Variants in CNTN6 observed in about 807,000 individuals in gnomAD.
The protein encoded by CNTN6 is contactin-6.
CNTN6 carries 137 observed loss-of-function variants against 122.8 expected under a neutral mutation model. That is an observed-to-expected ratio of 1.12 (90% CI 0.97 to 1.29). The LOEUF (loss-of-function observed/expected upper bound fraction) is 1.29, where lower values mean the gene tolerates loss of function less well. CNTN6 is among the 50% of genes most tolerant of loss of function. The pLI, the probability that CNTN6 is intolerant of heterozygous loss-of-function variation, is 0.00. For synonymous variants in CNTN6, 570 were observed against 426.0 expected (o/e 1.34, Z -4.16); for missense variants, 1,634 against 1,223.4 (o/e 1.34, Z -5.01).
chr3:1,248,700 A>T (rs1305482866), intron 4 of CNTN6, among the ~76,000 whole-genome samples: 1 of 151,906 alleles, frequency 6.6e-6, no homozygotes, highest in African/African-American at 2.4e-5. Flanking sequence ...GGCGCCTGTA[A>T]TCCCAGCTAC....
chr3:1,111,877 G>T (rs145778057), intron 1 of CNTN6, among the ~76,000 whole-genome samples: 190 of 151,888 alleles, frequency 1.3e-3, no homozygotes, highest in African/African-American at 4.3e-3. Context: ...AGTAGAAGTG[G>T]GTACTTAAGA....
intron 5 of CNTN6, among the ~76,000 whole-genome samples, chr3:1,279,624 A>T (rs1290048644): frequency 1.3e-5 from 2 of 152,208 alleles, no homozygotes; most frequent in Non-Finnish European, 2.9e-5. Context: ...CCAGACCCTC[A>T]GCTCTTAACT....
rs778807802 is a variant in CNTN6 at position 1,403,452 on chromosome 3, A to C, written c.*34A>C. The C allele has an allele frequency of 8.6e-6, 12 of 1,402,576 alleles. No homozygotes were observed. In the South Asian group the frequency reaches 1.3e-4, roughly 15 times the overall value. 86.9% of individuals were successfully genotyped at this position (1,402,576 alleles called of 1,614,324 possible). ...ACCATAAATCTTTGAGAGTTTTTTG[A>C]AAGCAAATCATTCTGTATATATGCT... On this transcript the variant is annotated 3_prime_UTR_variant, in exon 23 of 23. Coordinates refer to ENST00000446702, the MANE Select transcript of CNTN6 (RefSeq NM_001289080.2).
At chr3:1,152,331 G>T (rs1420025972) in intron 2 of CNTN6, among the ~76,000 whole-genome samples, 1 of 151,944 alleles carries the variant, frequency 6.6e-6, no homozygotes, top group Non-Finnish European at 1.5e-5. Context: ...TAGAGACAGG[G>T]TTTCACCATG....
intron 5 of CNTN6, among the ~76,000 whole-genome samples, chr3:1,291,839 C>A (rs1183644205): frequency 1.3e-5 from 2 of 152,096 alleles, no homozygotes; most frequent in East Asian, 1.9e-4. Flanking sequence ...TAGAGACTTG[C>A]AAAAGAAAAT....
At chr3:1,310,467 A>G (rs909405024) in intron 7 of CNTN6, among the ~76,000 whole-genome samples, 3 of 152,074 alleles carry the variant, frequency 2.0e-5, no homozygotes, top group African/African-American at 7.2e-5. Flanking sequence ...GACAAGTCCT[A>G]TTTTGTTGTG....
At chr3:1,241,466 A>G (rs991346893) in intron 4 of CNTN6, among the ~76,000 whole-genome samples, 1 of 152,088 alleles carries the variant, frequency 6.6e-6, no homozygotes, top group Non-Finnish European at 1.5e-5. Context: ...CATTTGTCGT[A>G]TAGAATGATT....
chr3:1,392,809 CTCA>C (rs1694367318), intron 20 of CNTN6, among the ~76,000 whole-genome samples: 1 of 137,790 alleles, frequency 7.3e-6, no homozygotes, highest in Non-Finnish European at 1.6e-5. Context: ...TGAAAAAATG[CTCA>C]TCATCACTGG....
chr3:1,356,671 A>G (rs928193128), intron 12 of CNTN6, among the ~76,000 whole-genome samples: 5 of 151,880 alleles, frequency 3.3e-5, no homozygotes, highest in African/African-American at 7.2e-5. Flanking sequence ...TGAAAACACC[A>G]GAGAAGTCTC....
chr3:1,173,063 C>A (rs1392842551), intron 2 of CNTN6: 1 of 372,044 alleles, frequency 2.7e-6, no homozygotes, highest in East Asian at 7.3e-5. Flanking sequence ...ACTGACTCAG[C>A]GCCATTGCCC....
At chr3:1,114,303 A>G (rs1574895869) in intron 1 of CNTN6, among the ~76,000 whole-genome samples, 1 of 152,308 alleles carries the variant, frequency 6.6e-6, no homozygotes, top group Admixed American at 6.5e-5. Flanking sequence ...TTTAGCCATC[A>G]CTTGAATGCA....
intron 5 of CNTN6, among the ~76,000 whole-genome samples, chr3:1,293,520 C>G (rs928336888): frequency 1.3e-5 from 2 of 152,148 alleles, no homozygotes; most frequent in African/African-American, 2.4e-5. Context: ...AGGAAGCCTA[C>G]CGGAACATAT....
chr3:1,334,856 A>C, intron 11 of CNTN6, among the ~76,000 whole-genome samples: 1 of 152,286 alleles, frequency 6.6e-6, no homozygotes, highest in South Asian at 2.1e-4. Context: ...CTAATTTTAG[A>C]GATTTTGCAG....
At chr3:1,109,721 T>C (rs1230507446) in intron 1 of CNTN6, among the ~76,000 whole-genome samples, 1 of 152,086 alleles carries the variant, frequency 6.6e-6, no homozygotes, top group African/African-American at 2.4e-5. Flanking sequence ...CCCAAGTTGT[T>C]GATGATCTTC....
At chr3:1,148,766 T>C (rs2092776715) in intron 2 of CNTN6, among the ~76,000 whole-genome samples, 1 of 152,136 alleles carries the variant, frequency 6.6e-6, no homozygotes, top group South Asian at 2.1e-4. Context: ...CTCAAATGGG[T>C]CTTCTTTTGG....
intron 7 of CNTN6, among the ~76,000 whole-genome samples, chr3:1,310,358 T>G (rs1699036352): frequency 6.6e-6 from 1 of 152,218 alleles, no homozygotes; most frequent in Non-Finnish European, 1.5e-5. Context: ...AATGCTTTTT[T>G]TGGCACCAGT....
intron 8 of CNTN6, among the ~76,000 whole-genome samples, chr3:1,322,593 T>G (rs1042496411): frequency 2.0e-5 from 3 of 151,698 alleles, no homozygotes; most frequent in Non-Finnish European, 4.4e-5. Context: ...CTATGTGACA[T>G]GTTTATAATC....
chr3:1,197,392 C>A lies in CNTN6; in HGVS notation c.56-23295C>A, dbSNP rs2093793122. Among the ~76,000 whole-genome samples the A allele has an allele frequency of 2.0e-5, 3 of 152,278 alleles. No individual in the cohort carries two copies. The South Asian group carries it at 6.2e-4, about 32-fold the overall frequency. On this transcript the variant is annotated intron_variant, in intron 2 of 22. Transcript: ENST00000446702. ...TTGTAAGCACAGCCCTGAAAACTTG[C>A]TAATCGGCCTTTGTGATTTGCCAGG... is the stretch of plus-strand genomic sequence containing the variant.
chr3:1,298,545 T>G (rs1299211733), intron 7 of CNTN6, among the ~76,000 whole-genome samples: 1 of 152,152 alleles, frequency 6.6e-6, no homozygotes, highest in Admixed American at 6.5e-5. Context: ...TAGGAACAGG[T>G]TTGGAATACT....
Sources: allele counts gnomAD v4.1 joint callset (sites outside exome capture counted in the v4.1 genomes callset), GRCh38; gene constraint gnomAD v4.1.1; transcripts MANE v1.5; gene names NCBI Gene and HGNC (gene_info 2026-07-23, HGNC 2026-07-21).